Variants in SARS1 observed in about 807,000 individuals in gnomAD.
SARS1 encodes serine--tRNA ligase, cytoplasmic.
SARS1 carries 25 observed loss-of-function variants against 63.7 expected under a neutral mutation model. The observed-to-expected ratio is 0.39, with a 90% CI of 0.29 to 0.55. The LOEUF (loss-of-function observed/expected upper bound fraction) is 0.55. SARS1 is among the 20% of genes least tolerant of loss of function. The probability of loss-of-function intolerance (pLI) is 0.62; values close to 1 mark genes in which losing one functional copy is unlikely to be tolerated. For synonymous variants in SARS1, 231 were observed against 243.5 expected (o/e 0.95, Z 0.48); for missense variants, 417 against 649.7 (o/e 0.64, Z 3.89).
At chr1:109,232,088 G>GGTTCA (rs1472235418) in intron 6 of SARS1, among the ~76,000 whole-genome samples, 1 of 152,166 alleles carries the variant, frequency 6.6e-6, no homozygotes, top group Admixed American at 6.5e-5. Context: ...TGAACACCAT[G>GGTTCA]AGCTTAGAAA....
chr1:109,220,068 G>T (rs1168341630), intron 1 of SARS1, among the ~76,000 whole-genome samples: 1 of 152,212 alleles, frequency 6.6e-6, no homozygotes, highest in Non-Finnish European at 1.5e-5. Flanking sequence ...TATATTTATA[G>T]GGTACAATGT....
In SARS1 at chr1:109,231,757, C is replaced by T. The variant is rs1655216235; in HGVS notation, c.718C>T (p.Leu240Phe). Residue 240 changes from leucine (L) to phenylalanine (F), a missense_variant, in exon 6 of 11, where the codon CTC becomes TTC. Leu to Phe is a conservative substitution (Grantham distance 22). Transcript: ENST00000234677. Reference sequence around the variant, plus strand: ...GGAGGTCATGCAGGAGGTGGCACAGCTCAGCCAGTTTGATGAAGAACTTTA... The same window carrying T: ...GGAGGTCATGCAGGAGGTGGCACAGTTCAGCCAGTTTGATGAAGAACTTTA... ...RKEVMQEVAQ[L>F]SQFDEELYKV... 1.3e-6 allele frequency: 2 copies of T among 1,569,082 alleles called. No individual in the cohort carries two copies. Among genetic ancestry groups the T allele is most frequent in the African/African-American group, 1.4e-5 (1 of 72,058 alleles).
At chr1:109,220,911 T>C (rs933917308) in intron 1 of SARS1, among the ~76,000 whole-genome samples, 6 of 151,988 alleles carry the variant, frequency 3.9e-5, no homozygotes, top group Non-Finnish European at 7.4e-5. Context: ...TTAATTTTGG[T>C]GTATTATGTG....
At chr1:109,236,605 T>A in intron 9 of SARS1, 57 bp downstream of exon 9, 1 of 1,574,390 alleles carries the variant, frequency 6.4e-7, no homozygotes, top group Non-Finnish European at 8.7e-7. Context: ...CCCGTCCGAA[T>A]TATTTCTCAG....
In SARS1 at chr1:109,235,995, T is replaced by A; in HGVS notation, c.988T>A (p.Ser330Thr). 6.2e-7 allele frequency: 1 copy of A among 1,611,868 alleles called. No individual in the cohort carries two copies. Among genetic ancestry groups the A allele is most frequent in the Non-Finnish European group, 8.5e-7 (1 of 1,178,948 alleles). ...QFEKIEQFVY[S>T]SPHDNKSWEM... ...TCTGCAGATTGAACAGTTTGTGTAC[T>A]CATCACCCCATGACAACAAGTCATG... is the stretch of plus-strand genomic sequence containing the variant. Residue 330 changes from serine to threonine, a missense_variant, in exon 8 of 11, where the codon TCA (serine) becomes ACA (threonine). Ser to Thr is a moderately conservative substitution (Grantham distance 58). Transcript: ENST00000234677. The surrounding 1 kb of genome is among the most constrained non-coding windows in gnomAD (Gnocchi z 4.7).
Position 109,235,233 on chromosome 1 carries a change from G to A in SARS1, c.771G>A (p.Lys257=). 1 of 1,614,142 alleles carries A rather than the reference G, an allele frequency of 6.2e-7. No homozygotes were observed. The highest frequency in any genetic ancestry group is 8.5e-7 in the Non-Finnish European group (1 of 1,180,010). Residue 257 remains lysine, a synonymous_variant, in exon 7 of 11, where the codon AAG becomes AAA. Coordinates refer to ENST00000234677, the MANE Select transcript of SARS1 (RefSeq NM_006513.4). This position sits in a 1 kb window ranked among gnomAD's most constrained non-coding sequence, Gnocchi z 4.7. ...LYKVIGKGSE[K]SDDNSYDEKY... is the part of the protein sequence containing the mutation. Reference sequence around the variant, plus strand: ...AGGTGATTGGCAAAGGCAGTGAAAAGTCTGATGACAACTCCTATGATGAGA... The same window carrying A: ...AGGTGATTGGCAAAGGCAGTGAAAAATCTGATGACAACTCCTATGATGAGA...
At chr1:109,217,169 C>T (rs1420221442) in intron 1 of SARS1, 21 of 978,778 alleles carry the variant, frequency 2.1e-5, no homozygotes, top group Non-Finnish European at 2.5e-5. Context: ...TACAGATGCT[C>T]CTTGACTTAG....
At chr1:109,221,970 G>GTA (rs773937466) in intron 1 of SARS1, among the ~76,000 whole-genome samples, 7 of 28,054 alleles carry the variant, frequency 2.5e-4, no homozygotes, top group Non-Finnish European at 4.3e-4. Flanking sequence ...TTGTGTGTGT[G>GTA]TATATATATA....
intron 3 of SARS1, 99 bp from the exon 4 acceptor site, chr1:109,229,315 C>T: frequency 8.3e-7 from 1 of 1,210,466 alleles, no homozygotes; most frequent in Non-Finnish European, 1.2e-6. Flanking sequence ...ACCACAAGGG[C>T]TATCTTTAGA....
chr1:109,223,949 TG>T (rs1317103834), intron 1 of SARS1, 28 bp from the exon 2 acceptor site: 1 of 1,537,710 alleles, frequency 6.5e-7, no homozygotes, highest in Non-Finnish European at 9.0e-7. Flanking sequence ...GGCATTTCTT[TG>T]GTATAGTCTT....
At chr1:109,231,474 A>C (rs1655210592) in intron 5 of SARS1, 157 bp from the exon 6 acceptor site, 1 of 509,504 alleles carries the variant, frequency 2.0e-6, no homozygotes, top group Non-Finnish European at 3.3e-6. Flanking sequence ...CTCAAGGTTC[A>C]GAATGTCAGT....
At chr1:109,219,048 T>A (rs991398345) in intron 1 of SARS1, among the ~76,000 whole-genome samples, 8 of 151,014 alleles carry the variant, frequency 5.3e-5, no homozygotes, top group African/African-American at 1.9e-4. Context: ...GGGCGGATCA[T>A]GAGGTCAGGA....
At chr1:109,218,804 G>A (rs1267907771) in intron 1 of SARS1, among the ~76,000 whole-genome samples, 1 of 152,036 alleles carries the variant, frequency 6.6e-6, no homozygotes, top group Non-Finnish European at 1.5e-5. Flanking sequence ...TTTATTGAGT[G>A]CTCTCCTTAT....
At position 109,229,610 on chromosome 1, in the gene SARS1, C is replaced by T. The variant is rs763821970; in HGVS notation, c.447+38C>T. ...GCCGCAGCAGGAGGCTGCCTTAGGT[C>T]GCTGCTGTCTCTGCAGGGGCGGGGA... On this transcript the variant is annotated intron_variant, in intron 4 of 10. Transcript: ENST00000234677. 7 of 1,593,820 alleles carry T rather than the reference C, an allele frequency of 4.4e-6. No individual in the cohort carries two copies. The Admixed American group carries it at 5.2e-5, about 12-fold the overall frequency.
chr1:109,229,797 TA>T (rs1655170180), intron 4 of SARS1, among the ~76,000 whole-genome samples: 1 of 152,170 alleles, frequency 6.6e-6, no homozygotes, highest in Non-Finnish European at 1.5e-5. Flanking sequence ...AAATCTCTTC[TA>T]AATAGGGCTG....
chr1:109,236,058 T>C lies in SARS1; in HGVS notation c.1051T>C (p.Phe351Leu). 1 of 1,613,354 alleles carries C rather than the reference T, an allele frequency of 6.2e-7. No individual in the cohort carries two copies. The highest frequency in any genetic ancestry group is 8.5e-7 in the Non-Finnish European group (1 of 1,179,786). The change falls in exon 8 of 11, where the codon TTC (phenylalanine) becomes CTC (leucine). Residue 351 changes from phenylalanine (F) to leucine (L), a missense_variant. Transcript: ENST00000234677. ...FEEMITTAEE[F>L]YQSLGIPYHI... ...AGAGATGATTACCACCGCAGAGGAG[T>C]TCTACCAGTCCCTGGGGATTCCTTA...
In SARS1 at chr1:109,220,009, AC is replaced by A. The variant is rs1654894746; in HGVS notation, c.137-3968del. Reference sequence around the variant, plus strand: ...GGGCATTATGAATAAGCTTCTAGAGACTCTTTTTTAAAAAATGTTTGATTGG... The same window carrying A: ...GGGCATTATGAATAAGCTTCTAGAGATCTTTTTTAAAAAATGTTTGATTGG... On this transcript the variant is annotated intron_variant, in intron 1 of 10. Transcript: ENST00000234677. 3.3e-5 allele frequency among the ~76,000 whole-genome samples: 5 copies of A among 151,972 alleles called. No homozygotes were observed. In the East Asian group the frequency reaches 7.7e-4, roughly 24 times the overall value.
intron 1 of SARS1, among the ~76,000 whole-genome samples, chr1:109,221,235 AT>A (rs1363260525): frequency 1.3e-5 from 2 of 151,886 alleles, no homozygotes; most frequent in African/African-American, 2.4e-5. Flanking sequence ...TAATTTTTGT[AT>A]TTTTAGTAGA....
intron 2 of SARS1, among the ~76,000 whole-genome samples, chr1:109,225,398 A>G (rs1251401147): frequency 6.6e-6 from 1 of 152,172 alleles, no homozygotes; most frequent in Admixed American, 6.5e-5. Context: ...AGTCATTCGC[A>G]TACTAGAGGC....
Sources: allele counts gnomAD v4.1 joint callset (sites outside exome capture counted in the v4.1 genomes callset), GRCh38; gene constraint gnomAD v4.1.1; non-coding constraint Gnocchi (gnomAD v3.1); transcripts MANE v1.5; gene names NCBI Gene and HGNC (gene_info 2026-07-23, HGNC 2026-07-21).